Variants in LCTL observed in about 807,000 individuals in gnomAD.
LCTL encodes the protein lactase-like protein.
A neutral mutation model predicts 75.8 loss-of-function variants in LCTL; 76 were observed. The ratio of observed to expected loss-of-function variants is 1.00; its 90% CI spans 0.83 to 1.21. LCTL has a LOEUF of 1.21. Among genes scored for constraint, LCTL ranks in the 50% most tolerant of loss-of-function variants. LCTL has a pLI of 0.00. For synonymous variants in LCTL, 271 were observed against 268.8 expected, an observed-to-expected ratio of 1.01 and a Z score of -0.08; for missense variants, 670 against 712.4, an observed-to-expected ratio of 0.94 and a Z score of 0.68.
At chr15:66,553,317 A>G (rs1363715328) in intron 8 of LCTL, 59 bp from the exon 10 acceptor site, 1 of 1,367,926 alleles carries the variant, frequency 7.3e-7, no homozygotes, top group Non-Finnish European at 9.8e-7. Flanking sequence ...TCACTGTGTT[A>G]TGTATCATGA....
At chr15:66,551,164 T>C (rs1476836928) in intron 11 of LCTL, among the ~76,000 whole-genome samples, 2 of 151,526 alleles carry the variant, frequency 1.3e-5, no homozygotes, top group Admixed American at 1.3e-4. Flanking sequence ...CTGGGCAATA[T>C]GGTGAAACCC....
rs144555345 is a variant in LCTL, at chr15:66,563,973, A to G, written c.308T>C (p.Leu103Pro). 420 of 1,613,882 alleles carry G rather than the reference A, an allele frequency of 2.6e-4. 1 individual carries two copies. The highest frequency in any genetic ancestry group is 3.2e-4 in the Non-Finnish European group (377 of 1,179,960). Residue 103 changes from leucine to proline, a missense_variant, in exon 3 of 13, where the codon CTG becomes CCG. Leu to Pro is a moderately conservative substitution (Grantham distance 98). Transcript: ENST00000341509. ...GGAGAATCGGTAGTGGTTGACGTGC[A>G]GTTCCCTCAGCAGAATGATGTCCTC...
At chr15:66,564,886 C>A in intron 1 of LCTL, 47 bp from the exon 3 acceptor site, 2 of 1,576,618 alleles carry the variant, frequency 1.3e-6, no homozygotes, top group Non-Finnish European at 1.7e-6. Flanking sequence ...CCATGTGTCA[C>A]CCAGAGCCAG....
At chr15:66,561,278 C>T in exon 5 of LCTL, 1 of 1,614,182 alleles carries the variant, frequency 6.2e-7, no homozygotes, top group Non-Finnish European at 8.5e-7. Context: ...GTTGGCCATG[C>T]TCACATTCTG....
chr15:66,565,266 A>G, exon 1 of LCTL: 1 of 1,611,082 alleles, frequency 6.2e-7, no homozygotes, highest in South Asian at 1.1e-5. Flanking sequence ...AAGGTTCCAT[A>G]GTAGAAGGAG....
intron 12 of LCTL, chr15:66,549,046 G>T: frequency 6.5e-6 from 1 of 153,432 alleles, no homozygotes; most frequent in Non-Finnish European, 1.5e-5. Context: ...AATGTTGTAT[G>T]GTAGTTCTTG....
chr15:66,564,870 G>A, intron 1 of LCTL, 31 bp from the exon 3 acceptor site: 2 of 1,594,472 alleles, frequency 1.3e-6, no homozygotes, highest in Middle Eastern at 1.7e-4. Flanking sequence ...TGGGTCCCAG[G>A]TGCTCCCATG....
intron 8 of LCTL, among the ~76,000 whole-genome samples, chr15:66,554,426 T>C (rs1180999236): frequency 6.6e-6 from 1 of 151,718 alleles, no homozygotes; most frequent in Non-Finnish European, 1.5e-5. Context: ...GCCATTGTAC[T>C]CCAGCCTGGG....
chr15:66,548,677 A>G, intron 12 of LCTL, 72 bp from the exon 14 acceptor site: 1 of 763,370 alleles, frequency 1.3e-6, no homozygotes, highest in Non-Finnish European at 2.3e-6. Flanking sequence ...TTTATCCCAA[A>G]AGCTTTAACT....
intron 8 of LCTL, among the ~76,000 whole-genome samples, chr15:66,557,274 A>G (rs542394162): frequency 5.9e-5 from 9 of 152,316 alleles, no homozygotes; most frequent in African/African-American, 1.7e-4. Context: ...CCAAATTGAT[A>G]TATCCCTGTA....
At chr15:66,562,541 AT>A (rs1895915534) in intron 4 of LCTL, among the ~76,000 whole-genome samples, 1 of 151,988 alleles carries the variant, frequency 6.6e-6, no homozygotes, top group Non-Finnish European at 1.5e-5. Flanking sequence ...GCTCAAACAA[AT>A]TGTAGAAAAA....
intron 8 of LCTL, among the ~76,000 whole-genome samples, chr15:66,554,901 C>T (rs1895704610): frequency 6.6e-6 from 1 of 152,116 alleles, no homozygotes; most frequent in Non-Finnish European, 1.5e-5. Flanking sequence ...ATACTTGCTT[C>T]TGGGGAGGGA....
chr15:66,550,742 G>A (rs1895567972), intron 11 of LCTL, among the ~76,000 whole-genome samples: 1 of 152,032 alleles, frequency 6.6e-6, no homozygotes. Context: ...GCCTCCCAAG[G>A]TGCTGGGGTT....
chr15:66,552,571 T>G (rs1211716317), intron 9 of LCTL, among the ~76,000 whole-genome samples: 1 of 148,528 alleles, frequency 6.7e-6, no homozygotes, highest in African/African-American at 2.5e-5. Context: ...CTTAAGAGGC[T>G]GAGGCAGGAA....
At chr15:66,553,754 CAA>C (rs35718768) in intron 8 of LCTL, among the ~76,000 whole-genome samples, 28 of 73,028 alleles carry the variant, frequency 3.8e-4, no homozygotes, top group South Asian at 3.8e-3. Context: ...GACTCCATCT[CAA>C]AAAAAAAAAA....
chr15:66,563,825 C>T, intron 3 of LCTL, 86 bp downstream of exon 4: 1 of 1,094,524 alleles, frequency 9.1e-7, no homozygotes, highest in Non-Finnish European at 1.4e-6. Context: ...GCTGATCTCC[C>T]TCCCCAGGAC....
At position 66,563,939 on chromosome 15, in the gene LCTL, C is replaced by T. The variant is rs1277746777; in HGVS notation, c.342G>A (p.Trp114Ter). ...GGATGCCTGTGGGCAGGAGCCGGGG[C>T]CAAGACAGGGAGAATCGGTAGTGGT... The change falls in exon 3 of 13, where the codon TGG becomes TGA. Residue 114 changes from tryptophan (W) to a stop codon, truncating the protein, a stop_gained. Coordinates refer to ENST00000341509, the Ensembl canonical transcript of LCTL. LOFTEE classifies it high-confidence loss of function. 6 of 1,614,048 alleles carry T rather than the reference C, an allele frequency of 3.7e-6. No individual in the cohort carries two copies. The highest frequency in any genetic ancestry group is 1.6e-4 in the Middle Eastern group (1 of 6,084).
intron 3 of LCTL, 23 bp from the exon 5 acceptor site, chr15:66,563,648 T>C: frequency 1.9e-6 from 3 of 1,546,788 alleles, no homozygotes; most frequent in South Asian, 1.1e-5. Flanking sequence ...TAAAAGAAGA[T>C]GCTACCAGAA....
At chr15:66,551,288 A>G (rs1484522888) in intron 11 of LCTL, among the ~76,000 whole-genome samples, 1 of 137,254 alleles carries the variant, frequency 7.3e-6, no homozygotes, top group Non-Finnish European at 1.5e-5. Context: ...CGGAGGTTGC[A>G]GTGAGCCGAG....
Sources: gnomAD v4.1 joint callset for allele counts (sites outside exome capture counted in the v4.1 genomes callset) on GRCh38, gnomAD v4.1.1 for gene constraint, MANE v1.5 for transcripts, NCBI Gene and HGNC (gene_info 2026-07-23, HGNC 2026-07-21) for gene names.